MED12L: variants seen among roughly 807,000 people sequenced by gnomAD.
The protein encoded by MED12L is mediator complex subunit 12L, also known as mediator of RNA polymerase II transcription subunit 12-like protein.
In MED12L, 60 loss-of-function variants were observed where a neutral mutation model predicts 281.3. The observed-to-expected ratio is 0.21, with a 90% CI of 0.17 to 0.26. The LOEUF (loss-of-function observed/expected upper bound fraction) is 0.26, where lower values mean the gene tolerates loss of function less well. Among genes scored for constraint, MED12L ranks in the 10% least tolerant of loss-of-function variants. The probability of loss-of-function intolerance (pLI) is 1.00; values close to 1 mark genes in which losing one functional copy is unlikely to be tolerated. For missense variants in MED12L, 2,146 were observed against 2,680.9 expected, an observed-to-expected ratio of 0.80 and a Z score of 4.41; for synonymous variants, 974 against 987.2, an observed-to-expected ratio of 0.99 and a Z score of 0.25.
chr3:151,282,348 GT>G (rs202126258), intron 16 of MED12L, among the ~76,000 whole-genome samples: 7 of 132,136 alleles, frequency 5.3e-5, no homozygotes, highest in African/African-American at 2.2e-4. Flanking sequence ...ATATAATTTA[GT>G]TTTTTTTTGT....
intron 2 of MED12L, among the ~76,000 whole-genome samples, chr3:151,104,246 G>T (rs1211959164): frequency 3.9e-5 from 6 of 152,160 alleles, no homozygotes; most frequent in Admixed American, 3.9e-4. Context: ...GTTGGGGCAG[G>T]AGAAGGACAA....
At chr3:151,117,713 TC>T (rs59253480) in intron 3 of MED12L, among the ~76,000 whole-genome samples, 33,270 of 152,138 alleles carry the variant, frequency 0.22, 3,951 homozygotes, top group African/African-American at 0.32. Context: ...TTAGACTAAC[TC>T]TCATTAAAAG....
intron 16 of MED12L, among the ~76,000 whole-genome samples, chr3:151,251,298 T>TA (rs1736806253): frequency 6.6e-6 from 1 of 152,164 alleles, no homozygotes. Context: ...TTTGTGATAA[T>TA]ACCATCTACC....
chr3:151,283,285 G>A (rs924499313), intron 16 of MED12L, among the ~76,000 whole-genome samples: 9 of 152,238 alleles, frequency 5.9e-5, no homozygotes, highest in African/African-American at 2.2e-4. Context: ...CAGATTTTCT[G>A]TATTGCTAGC....
intron 16 of MED12L, among the ~76,000 whole-genome samples, chr3:151,320,316 A>T (rs1166686141): frequency 2.6e-5 from 4 of 152,202 alleles, no homozygotes; most frequent in African/African-American, 9.7e-5. Flanking sequence ...ACAAGCAGGG[A>T]TCTAATTGCA....
intron 5 of MED12L, among the ~76,000 whole-genome samples, chr3:151,142,974 A>G (rs79703978): frequency 0.019 from 2,834 of 152,346 alleles, 64 homozygotes; most frequent in African/African-American, 0.056. Flanking sequence ...TATGCCGGGT[A>G]GAAAACAGTT....
intron 16 of MED12L, among the ~76,000 whole-genome samples, chr3:151,272,211 G>A (rs1741078205): frequency 6.6e-6 from 1 of 152,200 alleles, no homozygotes; most frequent in African/African-American, 2.4e-5. Context: ...TTTGTGCTGT[G>A]TTTTGAAGAT....
chr3:151,301,989 C>T (rs1745994159), intron 16 of MED12L, among the ~76,000 whole-genome samples: 1 of 152,134 alleles, frequency 6.6e-6, no homozygotes, highest in South Asian at 2.1e-4. Context: ...TAGTTAAAAG[C>T]AGAAAGAAGC....
At chr3:151,288,183 G>A (rs1743795144) in intron 16 of MED12L, among the ~76,000 whole-genome samples, 5 of 152,188 alleles carry the variant, frequency 3.3e-5, no homozygotes, top group Admixed American at 3.3e-4. Flanking sequence ...ATGTTCAGTG[G>A]CTGGGACCAT....
chr3:151,121,292 A>G (rs1188086834), intron 3 of MED12L, among the ~76,000 whole-genome samples: 2 of 152,216 alleles, frequency 1.3e-5, no homozygotes, highest in African/African-American at 2.4e-5. Context: ...CACAAACTGC[A>G]ATGAAGTTGT....
At chr3:151,106,247 C>CT (rs1413017496) in intron 2 of MED12L, among the ~76,000 whole-genome samples, 11 of 146,770 alleles carry the variant, frequency 7.5e-5, no homozygotes, top group Middle Eastern at 3.7e-3. Context: ...CTTTCCTTTC[C>CT]TTTCCTTTTC....
At chr3:151,163,251 C>T (rs536171203) in intron 8 of MED12L, among the ~76,000 whole-genome samples, 9 of 151,920 alleles carry the variant, frequency 5.9e-5, no homozygotes, top group Non-Finnish European at 1.2e-4. Context: ...GTGTCTAGGG[C>T]GAGGGAGATC....
chr3:151,152,483 T>C (rs1371265639), intron 5 of MED12L, among the ~76,000 whole-genome samples: 1 of 152,118 alleles, frequency 6.6e-6, no homozygotes, highest in Non-Finnish European at 1.5e-5. Context: ...ATATTAATCA[T>C]GGGGTGTTAA....
At chr3:151,216,847 A>G (rs1439220543) in intron 16 of MED12L, among the ~76,000 whole-genome samples, 1 of 152,142 alleles carries the variant, frequency 6.6e-6, no homozygotes, top group Non-Finnish European at 1.5e-5. Flanking sequence ...GTGGCTGGTA[A>G]CTAATTTGTC....
Position 151,411,392 on chromosome 3 carries a change from G to A in MED12L, c.6025G>A (p.Ala2009Thr). 1 of 1,614,140 alleles carries A rather than the reference G, an allele frequency of 6.2e-7. No homozygotes were observed. Among genetic ancestry groups the A allele is most frequent in the Non-Finnish European group, 8.5e-7 (1 of 1,180,032 alleles). ...SPSYNSRAYP[A>T]AHSNPVLMER... ...CAGCTATAACTCCAGAGCCTATCCG[G>A]CCGCACATTCCAACCCCGTGCTAAT... The change falls in exon 41 of 45, where the codon GCC (alanine) becomes ACC (threonine). Residue 2009 changes from alanine (A) to threonine (T), a missense_variant. Ala to Thr is a moderately conservative substitution (Grantham distance 58). Around this residue, in one of 9 missense-constraint regions of MED12L, gnomAD observed 496 missense variants for 512.0 expected, o/e 0.97. Transcript: ENST00000687756.
rs557993374 is a variant in MED12L, at chr3:151,177,599, C to T, written c.1495-7731C>T. 1.3e-4 allele frequency among the ~76,000 whole-genome samples: 20 copies of T among 152,184 alleles called. No individual in the cohort carries two copies. The South Asian group carries it at 4.1e-3, about 32-fold the overall frequency. Reference sequence around the variant, plus strand: ...TGAACTTCTAGGCTCAAGCTCTCTTCCCATCTCAGCCTCCTGAGTAGCTGG... The same window carrying T: ...TGAACTTCTAGGCTCAAGCTCTCTTTCCATCTCAGCCTCCTGAGTAGCTGG... On this transcript the variant is annotated intron_variant, in intron 11 of 44. Transcript: ENST00000687756.
At chr3:151,416,456 G>A in intron 43 of MED12L, 34 bp downstream of exon 43, 2 of 1,605,238 alleles carry the variant, frequency 1.2e-6, no homozygotes, top group East Asian at 2.2e-5. Context: ...AGACATGTGG[G>A]TTTCTTCTTT....
At chr3:151,243,285 G>T (rs1486196356) in intron 16 of MED12L, among the ~76,000 whole-genome samples, 3 of 151,456 alleles carry the variant, frequency 2.0e-5, no homozygotes, top group Non-Finnish European at 2.9e-5. Context: ...GATACTCCTC[G>T]AGAAGAGCAA....
chr3:151,156,339 T>C lies in MED12L; in HGVS notation c.726+9T>C. 2.5e-6 allele frequency: 4 copies of C among 1,598,840 alleles called. No homozygotes were observed. Among genetic ancestry groups the C allele is most frequent in the Non-Finnish European group, 3.4e-6 (4 of 1,173,284 alleles). Reference sequence around the variant, plus strand: ...CATTTCACATGTTCCAGGTAACCTTTTGAAGACATGCAGAGTTGTGTGCAA... The same window carrying C: ...CATTTCACATGTTCCAGGTAACCTTCTGAAGACATGCAGAGTTGTGTGCAA... On this transcript the variant is annotated intron_variant, in intron 6 of 44. Transcript: ENST00000687756.
Sources: gnomAD v4.1 joint callset for allele counts (sites outside exome capture counted in the v4.1 genomes callset) on GRCh38, gnomAD v4.1.1 for gene constraint, gnomAD v4.1.1 regional missense constraint, MANE v1.5 for transcripts, NCBI Gene and HGNC (gene_info 2026-07-23, HGNC 2026-07-21) for gene names.